JAZF1: variants seen among roughly 807,000 people sequenced by gnomAD.
JAZF1 encodes the protein JAZF zinc finger 1.
Under a neutral mutation model 26.4 loss-of-function variants are expected in JAZF1, and 8 were observed. The observed-to-expected ratio is 0.30, with a 90% CI of 0.18 to 0.55. JAZF1 has a LOEUF of 0.55. JAZF1 is among the 20% of genes least tolerant of loss of function. The pLI, the probability that JAZF1 is intolerant of heterozygous loss-of-function variation, is 0.94. For missense variants in JAZF1, 199 were observed against 322.0 expected, an observed-to-expected ratio of 0.62 and a Z score of 2.92; for synonymous variants, 126 against 122.3, an observed-to-expected ratio of 1.03 and a Z score of -0.20.
chr7:27,973,683 T>C (rs987263252), intron 2 of JAZF1, among the ~76,000 whole-genome samples: 4 of 152,202 alleles, frequency 2.6e-5, no homozygotes, highest in African/African-American at 7.2e-5. Context: ...GTAAAATAGA[T>C]AGTGTTAAAT....
chr7:28,008,954 C>T (rs865884362), intron 1 of JAZF1, among the ~76,000 whole-genome samples: 1 of 152,184 alleles, frequency 6.6e-6, no homozygotes, highest in African/African-American at 2.4e-5. Flanking sequence ...GATTTTATCA[C>T]ACATTCAAGT....
chr7:27,895,224 C>T lies in JAZF1; in HGVS notation c.381G>A (p.Pro127=), dbSNP rs151189134. The stretch of plus-strand genomic sequence containing the variant: ...CGGTAGGGCCAGGCCACTCACCTGT[C>T]GGAGTGCTGCTGCGGAATGAAGAGG... ...TPSSSFRSST[P]TGSEYDEEEV... The change falls in exon 3 of 5, where the codon CCG becomes CCA. Residue 127 remains proline, a synonymous_variant. Transcript: ENST00000283928. 3.1e-4 allele frequency: 498 copies of T among 1,594,168 alleles called. No individual in the cohort carries two copies. The highest frequency in any genetic ancestry group is 4.0e-4 in the Non-Finnish European group (465 of 1,170,120).
rs113191251 is a variant in JAZF1, at chr7:28,164,588, C to A, written c.115+15875G>T. Among the ~76,000 whole-genome samples, 509 of 152,290 alleles carry A rather than the reference C, an allele frequency of 3.3e-3. 3 individuals carry two copies. Among genetic ancestry groups the A allele is most frequent in the African/African-American group, 0.012 (482 of 41,556 alleles). Reference sequence around the variant, plus strand: ...AACATGCAGATGTGAAAGAAAAAAACTGTTCATGGAATTCATAAAATACTA... The same window carrying A: ...AACATGCAGATGTGAAAGAAAAAAAATGTTCATGGAATTCATAAAATACTA... On this transcript the variant is annotated intron_variant, in intron 1 of 4. Coordinates refer to ENST00000283928, the MANE Select transcript of JAZF1 (RefSeq NM_175061.4).
At chr7:28,028,136 A>G (rs1783124490) in intron 1 of JAZF1, among the ~76,000 whole-genome samples, 1 of 152,214 alleles carries the variant, frequency 6.6e-6, no homozygotes, top group African/African-American at 2.4e-5. Context: ...TCAATATGAA[A>G]CAAGCAACCT....
intron 2 of JAZF1, among the ~76,000 whole-genome samples, chr7:27,899,647 C>A (rs1000817613): frequency 3.9e-5 from 6 of 151,952 alleles, no homozygotes; most frequent in Non-Finnish European, 7.4e-5. Flanking sequence ...GTTGCCCAGG[C>A]TGGTTTCAAA....
chr7:27,915,837 T>A (rs1784437162), intron 2 of JAZF1, among the ~76,000 whole-genome samples: 1 of 152,206 alleles, frequency 6.6e-6, no homozygotes. Flanking sequence ...ATTTGAAACA[T>A]GATGGACCTG....
chr7:28,136,977 A>G (rs1022919361), intron 1 of JAZF1, among the ~76,000 whole-genome samples: 3 of 152,222 alleles, frequency 2.0e-5, no homozygotes, highest in African/African-American at 7.2e-5. Flanking sequence ...GCAATGGCCA[A>G]TGCTGAATGC....
intron 2 of JAZF1, among the ~76,000 whole-genome samples, chr7:27,977,557 G>A (rs1384461566): frequency 1.3e-5 from 2 of 152,114 alleles, no homozygotes; most frequent in Non-Finnish European, 2.9e-5. Context: ...TGGTTTCTCT[G>A]TTCTAGTCTC....
chr7:27,913,206 A>T (rs1784388280), intron 2 of JAZF1, among the ~76,000 whole-genome samples: 1 of 150,686 alleles, frequency 6.6e-6, no homozygotes, highest in South Asian at 2.1e-4. Flanking sequence ...TTAAAAAAAA[A>T]TTTATATACA....
At chr7:28,107,149 A>G (rs983618507) in intron 1 of JAZF1, among the ~76,000 whole-genome samples, 1 of 152,222 alleles carries the variant, frequency 6.6e-6, no homozygotes, top group Non-Finnish European at 1.5e-5. Context: ...GGTGTGCTTT[A>G]TATTTGTCCC....
chr7:27,912,611 T>C lies in JAZF1; in HGVS notation c.189-17195A>G, dbSNP rs536078663. 3.3e-5 allele frequency among the ~76,000 whole-genome samples: 5 copies of C among 152,256 alleles called. No homozygotes were observed. In the East Asian group the frequency reaches 9.6e-4, roughly 29 times the overall value. On this transcript the variant is annotated intron_variant, in intron 2 of 4. Coordinates refer to ENST00000283928, the MANE Select transcript of JAZF1 (RefSeq NM_175061.4). The stretch of plus-strand genomic sequence containing the variant: ...TGAGAAAGGTTATTAGAATGGGCTG[T>C]TAAGATTAAGGTTAAAATTAAAACA...
At chr7:28,072,508 T>C (rs1474986740) in intron 1 of JAZF1, among the ~76,000 whole-genome samples, 1 of 152,234 alleles carries the variant, frequency 6.6e-6, no homozygotes, top group Non-Finnish European at 1.5e-5. Context: ...GGTCTTGTAA[T>C]GTAAATTGGC....
At chr7:28,001,007 C>T (rs749919644) in intron 1 of JAZF1, among the ~76,000 whole-genome samples, 2 of 152,046 alleles carry the variant, frequency 1.3e-5, no homozygotes, top group Non-Finnish European at 2.9e-5. Flanking sequence ...TTAGGGGAAA[C>T]TTTAAGTCAG....
At chr7:28,135,493 T>G (rs1462859517) in intron 1 of JAZF1, among the ~76,000 whole-genome samples, 1 of 152,230 alleles carries the variant, frequency 6.6e-6, no homozygotes, top group African/African-American at 2.4e-5. Flanking sequence ...CTTTGGCTAT[T>G]TTAATAAGAA....
intron 2 of JAZF1, among the ~76,000 whole-genome samples, chr7:27,930,928 T>C (rs1012840931): frequency 1.3e-5 from 2 of 152,162 alleles, no homozygotes; most frequent in Non-Finnish European, 2.9e-5. Context: ...GTAATTGAAG[T>C]TTTCCCATCA....
intron 3 of JAZF1, among the ~76,000 whole-genome samples, chr7:27,868,357 C>A (rs995571393): frequency 1.3e-5 from 2 of 152,236 alleles, no homozygotes; most frequent in African/African-American, 4.8e-5. Flanking sequence ...GATGCCGTTC[C>A]CCGGTCCTCA....
At position 28,062,242 on chromosome 7, in the gene JAZF1, C is replaced by T. The variant is rs556771427; in HGVS notation, c.116-70261G>A. Among the ~76,000 whole-genome samples the T allele has an allele frequency of 2.0e-5, 3 of 152,230 alleles. No individual in the cohort carries two copies. The South Asian group carries it at 6.2e-4, about 32-fold the overall frequency. On this transcript the variant is annotated intron_variant, in intron 1 of 4. Transcript: ENST00000283928. ...ATGGACTGGACTCGAAGCATTTCTT[C>T]CTTACTCAAAGCCTAAGATTGAGTG...
chr7:27,968,106 T>C (rs1427027019), intron 2 of JAZF1, among the ~76,000 whole-genome samples: 2 of 152,182 alleles, frequency 1.3e-5, no homozygotes, highest in Non-Finnish European at 2.9e-5. Flanking sequence ...GTATGGTATA[T>C]AACAAACAAC....
intron 1 of JAZF1, 68 bp from the exon 2 acceptor site, chr7:27,992,049 A>G: frequency 5.6e-6 from 5 of 898,392 alleles, no homozygotes; most frequent in South Asian, 1.3e-5. Flanking sequence ...TACCTAACAC[A>G]AAGTAACAGA....
Sources: gnomAD v4.1 joint callset for allele counts (sites outside exome capture counted in the v4.1 genomes callset) on GRCh38, gnomAD v4.1.1 for gene constraint, MANE v1.5 for transcripts, NCBI Gene and HGNC (gene_info 2026-07-23, HGNC 2026-07-21) for gene names.